The following RPS6KC1 variants were observed in gnomAD, a reference collection of about 807,000 sequenced individuals.
The protein encoded by RPS6KC1 is ribosomal protein S6 kinase C1, also known as inactive ribosomal protein S6 kinase delta-1.
In RPS6KC1, 54 loss-of-function variants were observed where a neutral mutation model predicts 103.8. That is an observed-to-expected ratio of 0.52 (90% CI 0.42 to 0.65). The LOEUF (loss-of-function observed/expected upper bound fraction) is 0.65. Ranked by LOEUF, RPS6KC1 falls within the 30% of genes least tolerant of loss-of-function variation. RPS6KC1 has a pLI of 0.00. For synonymous variants in RPS6KC1, 439 were observed against 438.7 expected, an observed-to-expected ratio of 1.00 and a Z score of -0.01; for missense variants, 1,151 against 1,253.8, an observed-to-expected ratio of 0.92 and a Z score of 1.24.
the RPS6KC1 span, among the ~76,000 whole-genome samples, chr1:213,715,256 G>A: frequency 6.6e-6 from 1 of 152,162 alleles, no homozygotes; most frequent in African/African-American, 2.4e-5. Context: ...TTTTTATAAG[G>A]ATGGCAAATC....
At chr1:213,538,468 G>A in the RPS6KC1 span, among the ~76,000 whole-genome samples, 6 of 152,198 alleles carry the variant, frequency 3.9e-5, no homozygotes, top group Admixed American at 6.5e-5. Context: ...GACTGTGGCT[G>A]TGGGTGGTGT....
the RPS6KC1 span, among the ~76,000 whole-genome samples, chr1:213,839,160 T>C: frequency 6.6e-6 from 1 of 152,220 alleles, no homozygotes; most frequent in Non-Finnish European, 1.5e-5. Context: ...TAATCCTATG[T>C]TGTAACTGAA....
At chr1:213,787,626 A>G in the RPS6KC1 span, among the ~76,000 whole-genome samples, 1 of 152,190 alleles carries the variant, frequency 6.6e-6, no homozygotes, top group Admixed American at 6.5e-5. Context: ...TAACTCGGTG[A>G]TCTGGTTGAT....
chr1:213,834,433 T>C, the RPS6KC1 span, among the ~76,000 whole-genome samples: 1 of 152,196 alleles, frequency 6.6e-6, no homozygotes, highest in African/African-American at 2.4e-5. Flanking sequence ...TCTCTGGCAC[T>C]GTTCCAATCC....
the RPS6KC1 span, among the ~76,000 whole-genome samples, chr1:213,624,820 A>C: frequency 6.6e-5 from 10 of 152,076 alleles, no homozygotes; most frequent in Non-Finnish European, 1.3e-4. Context: ...CTCCTTCATG[A>C]AGTCTCTGAC....
the RPS6KC1 span, among the ~76,000 whole-genome samples, chr1:213,717,971 G>T: frequency 1.3e-5 from 2 of 152,088 alleles, no homozygotes; most frequent in African/African-American, 2.4e-5. Flanking sequence ...CTACTCTGCC[G>T]TCTTTTCACC....
At chr1:213,671,030 G>A in the RPS6KC1 span, among the ~76,000 whole-genome samples, 1 of 152,182 alleles carries the variant, frequency 6.6e-6, no homozygotes, top group East Asian at 1.9e-4. Context: ...CATTCATGTG[G>A]CTTTGACCAG....
chr1:213,069,206 G>A (rs1291077127), intron 1 of RPS6KC1, among the ~76,000 whole-genome samples: 1 of 151,940 alleles, frequency 6.6e-6, no homozygotes, highest in Admixed American at 6.6e-5. Flanking sequence ...CTTTTTTTCC[G>A]TTATCACAGA....
chr1:213,662,428 A>ATTTTTTTTTTTT, the RPS6KC1 span, among the ~76,000 whole-genome samples: 213 of 120,888 alleles, frequency 1.8e-3, no homozygotes, highest in African/African-American at 2.6e-3. Context: ...CACCTGGCTA[A>ATTTTTTTTTTTT]TTTTTTTTTT....
the RPS6KC1 span, among the ~76,000 whole-genome samples, chr1:213,741,412 T>A: frequency 4.6e-4 from 70 of 152,232 alleles, 1 homozygote; most frequent in South Asian, 0.014. Context: ...CATCTCTTCT[T>A]GAAGAGATTA....
At chr1:213,687,717 A>T in the RPS6KC1 span, among the ~76,000 whole-genome samples, 1 of 152,124 alleles carries the variant, frequency 6.6e-6, no homozygotes, top group Non-Finnish European at 1.5e-5. Flanking sequence ...TATATGGAAA[A>T]CTAAAAATTT....
At chr1:213,151,544 C>T (rs1372998196) in intron 6 of RPS6KC1, among the ~76,000 whole-genome samples, 4 of 88,570 alleles carry the variant, frequency 4.5e-5, no homozygotes, top group East Asian at 3.4e-4. Context: ...CCAGTAGGGG[C>T]GGCTGGGCAG....
the RPS6KC1 span, among the ~76,000 whole-genome samples, chr1:213,658,094 G>A: frequency 6.6e-6 from 1 of 152,204 alleles, no homozygotes; most frequent in Non-Finnish European, 1.5e-5. Context: ...TAATGCTTGT[G>A]CGCACTGTAA....
At chr1:213,083,609 C>G (rs184878865) in intron 3 of RPS6KC1, among the ~76,000 whole-genome samples, 55 of 152,260 alleles carry the variant, frequency 3.6e-4, no homozygotes, top group African/African-American at 1.3e-3. Context: ...AGATTCTAGA[C>G]TTTGAATTGC....
chr1:213,689,042 C>G, the RPS6KC1 span, among the ~76,000 whole-genome samples: 5 of 152,128 alleles, frequency 3.3e-5, no homozygotes, highest in African/African-American at 4.8e-5. Flanking sequence ...GCAGGTGAAT[C>G]CAAGTAGTGT....
chr1:213,275,886 G>A (rs138823227), downstream of RPS6KC1, among the ~76,000 whole-genome samples: 3 of 152,196 alleles, frequency 2.0e-5, no homozygotes, highest in African/African-American at 4.8e-5. Context: ...CCCCTGGCCC[G>A]CAGCCTCTGG....
At chr1:213,481,257 G>A in the RPS6KC1 span, among the ~76,000 whole-genome samples, 2 of 152,092 alleles carry the variant, frequency 1.3e-5, no homozygotes, top group Non-Finnish European at 2.9e-5. Context: ...CTATTATCTA[G>A]AGCACAGCCA....
chr1:213,711,353 C>A, the RPS6KC1 span, among the ~76,000 whole-genome samples: 1 of 152,144 alleles, frequency 6.6e-6, no homozygotes, highest in Non-Finnish European at 1.5e-5. Flanking sequence ...TGTTTTTCAG[C>A]TCCATCAGTT....
At chr1:213,136,838 T>A (rs567978522) in intron 6 of RPS6KC1, among the ~76,000 whole-genome samples, 2 of 152,208 alleles carry the variant, frequency 1.3e-5, no homozygotes, top group Non-Finnish European at 2.9e-5. Flanking sequence ...TCTTTAACAG[T>A]GTTGAGTGCA....
Sources: allele counts gnomAD v4.1 joint callset (sites outside exome capture counted in the v4.1 genomes callset), GRCh38; gene constraint gnomAD v4.1.1; transcripts MANE v1.5; gene names NCBI Gene and HGNC (gene_info 2026-07-23, HGNC 2026-07-21).